SLC24A2: variants seen among roughly 807,000 people sequenced by gnomAD.
SLC24A2 encodes sodium/potassium/calcium exchanger 2.
Under a neutral mutation model 62.0 loss-of-function variants are expected in SLC24A2, and 36 were observed. The ratio of observed to expected loss-of-function variants is 0.58; its 90% CI spans 0.44 to 0.77. The LOEUF (loss-of-function observed/expected upper bound fraction) is 0.77. SLC24A2 is among the 30% of genes least tolerant of loss of function. The pLI is 0.00. For synonymous variants in SLC24A2, 358 were observed against 294.0 expected (o/e 1.22, Z -2.23); for missense variants, 846 against 817.9 (o/e 1.03, Z -0.42).
At chr9:20,082,246 A>AT in the SLC24A2 span, among the ~76,000 whole-genome samples, 2 of 152,104 alleles carry the variant, frequency 1.3e-5, no homozygotes, top group Non-Finnish European at 2.9e-5. Context: ...AGGCTACCGT[A>AT]TTTTTTTGGG....
the SLC24A2 span, among the ~76,000 whole-genome samples, chr9:20,175,606 C>T: frequency 0.19 from 29,029 of 151,618 alleles, 4,279 homozygotes; most frequent in East Asian, 0.72. Context: ...CACTAAAAAC[C>T]GTCAAAGTGC....
the SLC24A2 span, among the ~76,000 whole-genome samples, chr9:20,276,909 A>G: frequency 6.6e-6 from 1 of 152,206 alleles, no homozygotes; most frequent in Non-Finnish European, 1.5e-5. Flanking sequence ...ACCAAATCCC[A>G]AGACTGCACA....
At chr9:19,710,377 G>C (rs1820679068) in intron 2 of SLC24A2, among the ~76,000 whole-genome samples, 1 of 152,110 alleles carries the variant, frequency 6.6e-6, no homozygotes, top group African/African-American at 2.4e-5. Context: ...CGGTATCACA[G>C]GGGCAAATAA....
At chr9:19,713,636 A>T (rs1820778680) in intron 2 of SLC24A2, among the ~76,000 whole-genome samples, 2 of 152,208 alleles carry the variant, frequency 1.3e-5, no homozygotes, top group Admixed American at 1.3e-4. Flanking sequence ...AAAGGCCTGC[A>T]TTTTCCTTCA....
chr9:19,948,912 T>A, the SLC24A2 span, among the ~76,000 whole-genome samples: 3 of 152,104 alleles, frequency 2.0e-5, no homozygotes, highest in East Asian at 5.8e-4. Flanking sequence ...ATTTAAAATG[T>A]TTATTGTTTA....
the SLC24A2 span, among the ~76,000 whole-genome samples, chr9:20,075,346 A>G: frequency 6.6e-6 from 1 of 152,196 alleles, no homozygotes; most frequent in African/African-American, 2.4e-5. Context: ...GGAGGCTTAG[A>G]ATAACTGGAT....
intron 2 of SLC24A2, among the ~76,000 whole-genome samples, chr9:19,781,389 G>A (rs968253243): frequency 8.5e-6 from 1 of 117,488 alleles, no homozygotes; most frequent in Non-Finnish European, 1.9e-5. Flanking sequence ...GAAGGTGGAA[G>A]GGAGAGATAA....
chr9:19,653,629 T>C (rs1467647438), intron 2 of SLC24A2, among the ~76,000 whole-genome samples: 1 of 152,248 alleles, frequency 6.6e-6, no homozygotes, highest in African/African-American at 2.4e-5. Context: ...ATCAGTAGAA[T>C]CTTGAGCTTG....
At chr9:20,281,228 C>T in the SLC24A2 span, among the ~76,000 whole-genome samples, 1 of 152,194 alleles carries the variant, frequency 6.6e-6, no homozygotes, top group Non-Finnish European at 1.5e-5. Context: ...CCATGCCCAG[C>T]CCAAGCATGA....
At chr9:19,918,751 G>T in the SLC24A2 span, among the ~76,000 whole-genome samples, 1,582 of 152,242 alleles carry the variant, frequency 0.01, 28 homozygotes, top group African/African-American at 0.037. Context: ...TCCAAGAAAA[G>T]CCCAAAGCCT....
the SLC24A2 span, among the ~76,000 whole-genome samples, chr9:20,249,561 C>G: frequency 4.6e-5 from 7 of 152,048 alleles, no homozygotes; most frequent in South Asian, 1.5e-3. Flanking sequence ...AAAAAAGTAG[C>G]TGACGTGGTG....
At chr9:19,945,124 G>A in the SLC24A2 span, among the ~76,000 whole-genome samples, 1 of 152,278 alleles carries the variant, frequency 6.6e-6, no homozygotes, top group South Asian at 2.1e-4. Context: ...GCATTGAGGT[G>A]TCCTATACGA....
intron 2 of SLC24A2, among the ~76,000 whole-genome samples, chr9:19,701,272 GAATCCGC>G (rs1436303987): frequency 6.6e-6 from 1 of 152,202 alleles, no homozygotes; most frequent in East Asian, 1.9e-4. Flanking sequence ...TATTGTAGCG[GAATCCGC>G]TAGTGCCCAG....
the SLC24A2 span, among the ~76,000 whole-genome samples, chr9:20,268,761 C>T: frequency 6.6e-6 from 1 of 152,200 alleles, no homozygotes; most frequent in African/African-American, 2.4e-5. Flanking sequence ...TTCAGGCATC[C>T]TTCCAGGGCC....
In SLC24A2 at chr9:19,630,872, C is replaced by G. The variant is rs907625294; in HGVS notation, c.931-8573G>C. Among the ~76,000 whole-genome samples, 5 of 152,192 alleles carry G rather than the reference C, an allele frequency of 3.3e-5. No individual in the cohort carries two copies. In the South Asian group the frequency reaches 8.3e-4, roughly 25 times the overall value. On this transcript the variant is annotated intron_variant, in intron 2 of 10. Transcript: ENST00000341998. ...GCACTGATAATGAGAACCAGTCTCA[C>G]TCCTTGATCTGCTCTTCTTTCCCAA...
the SLC24A2 span, among the ~76,000 whole-genome samples, chr9:20,293,946 G>C: frequency 2.0e-5 from 3 of 152,124 alleles, no homozygotes; most frequent in Non-Finnish European, 4.4e-5. Context: ...CAGACACCCT[G>C]AGCCTGGACA....
chr9:20,260,688 G>A, the SLC24A2 span, among the ~76,000 whole-genome samples: 2 of 151,924 alleles, frequency 1.3e-5, no homozygotes, highest in South Asian at 2.1e-4. Context: ...TGGAGAACAG[G>A]TGGTGTTTGG....
At chr9:19,571,181 C>T (rs1835827096) in intron 7 of SLC24A2, among the ~76,000 whole-genome samples, 1 of 152,170 alleles carries the variant, frequency 6.6e-6, no homozygotes, top group South Asian at 2.1e-4. Flanking sequence ...CCACACGCTG[C>T]TTATCCATGT....
chr9:19,948,446 G>C, the SLC24A2 span, among the ~76,000 whole-genome samples: 1 of 152,296 alleles, frequency 6.6e-6, no homozygotes, highest in Non-Finnish European at 1.5e-5. Context: ...AACATTTCCA[G>C]TTAGAGAAAA....
Sources: allele counts gnomAD v4.1 joint callset (sites outside exome capture counted in the v4.1 genomes callset), GRCh38; gene constraint gnomAD v4.1.1; transcripts MANE v1.5; gene names NCBI Gene and HGNC (gene_info 2026-07-23, HGNC 2026-07-21).